Variants in RBM6 observed in about 807,000 individuals in gnomAD.
The protein encoded by RBM6 is RNA binding motif protein 6, also known as RNA-binding protein 6.
Under a neutral mutation model 140.4 loss-of-function variants are expected in RBM6, and 23 were observed. That is an observed-to-expected ratio of 0.16 (90% CI 0.12 to 0.23). The LOEUF is 0.23. RBM6 is among the 10% of genes least tolerant of loss of function. The pLI, the probability that RBM6 is intolerant of heterozygous loss-of-function variation, is 1.00. For missense variants in RBM6, 1,139 were observed against 1,386.7 expected, an observed-to-expected ratio of 0.82 and a Z score of 2.84; for synonymous variants, 439 against 475.6, an observed-to-expected ratio of 0.92 and a Z score of 1.00.
rs374968168 is a variant in RBM6, at chr3:50,066,274, G to A, written c.2715G>A (p.Leu905=). Residue 905 remains leucine, a synonymous_variant, in exon 17 of 21, where the codon TTG becomes TTA. Transcript: ENST00000266022. Reference sequence around the variant, plus strand: ...TGGTAAACCCACTGATCGGCCTCTTGGGTGAATATGGAGGAGACAGTGACT... The same window carrying A: ...TGGTAAACCCACTGATCGGCCTCTTAGGTGAATATGGAGGAGACAGTGACT... The part of the protein sequence containing the change: ...PKVVNPLIGL[L]GEYGGDSDYE... 6.2e-7 allele frequency: 1 copy of A among 1,614,060 alleles called. No homozygotes were observed. Among genetic ancestry groups the A allele is most frequent in the Middle Eastern group, 1.7e-4 (1 of 6,044 alleles).
chr3:49,955,844 G>GTT (rs2083958678), intron 1 of RBM6, among the ~76,000 whole-genome samples: 1 of 145,014 alleles, frequency 6.9e-6, no homozygotes, highest in African/African-American at 2.5e-5. Flanking sequence ...CTCTCTCTGT[G>GTT]TCTCTCTCTC....
chr3:50,032,899 C>T (rs1180210531), intron 6 of RBM6, among the ~76,000 whole-genome samples: 2 of 151,232 alleles, frequency 1.3e-5, no homozygotes, highest in East Asian at 2.0e-4. Context: ...GCAGGAGAAC[C>T]GCTTGAAACA....
At position 49,967,425 on chromosome 3, in the gene RBM6, C is replaced by G. The variant is rs371060195; in HGVS notation, c.45-45C>G. Reference sequence around the variant, plus strand: ...GAAGAATATGCTGGTGTGTAGATTTCAAACTCTCTGGACAATATGAATAAC... The same window carrying G: ...GAAGAATATGCTGGTGTGTAGATTTGAAACTCTCTGGACAATATGAATAAC... On this transcript the variant is annotated intron_variant, in intron 2 of 20. Coordinates refer to ENST00000266022, the MANE Select transcript of RBM6 (RefSeq NM_005777.3). The surrounding 1 kb of genome is among the most constrained non-coding windows in gnomAD (Gnocchi z 4.0). 6.4e-7 allele frequency: 1 copy of G among 1,568,968 alleles called. No homozygotes were observed.
chr3:49,989,803 G>C (rs1446448928), intron 5 of RBM6, among the ~76,000 whole-genome samples: 4 of 152,100 alleles, frequency 2.6e-5, no homozygotes, highest in Non-Finnish European at 5.9e-5. Flanking sequence ...GAGTGGTGCA[G>C]TGGCATCATC....
intron 1 of RBM6, among the ~76,000 whole-genome samples, chr3:49,941,496 C>G (rs1188405599): frequency 6.6e-6 from 1 of 151,628 alleles, no homozygotes; most frequent in Non-Finnish European, 1.5e-5. Context: ...CAAAATTAGC[C>G]GGGCATGGTG....
intron 1 of RBM6, among the ~76,000 whole-genome samples, chr3:49,959,909 A>G (rs922179168): frequency 6.6e-6 from 1 of 152,116 alleles, no homozygotes; most frequent in Admixed American, 6.6e-5. Flanking sequence ...CTTGGCATTC[A>G]TATGGCTTTC....
intron 6 of RBM6, among the ~76,000 whole-genome samples, chr3:50,037,308 GGAT>G (rs760940826): frequency 1.8e-4 from 28 of 152,064 alleles, no homozygotes; most frequent in Admixed American, 5.9e-4. Flanking sequence ...AGCTGAGGTG[GGAT>G]GATTGCTTGA....
chr3:49,971,804 T>TA (rs2084806673), intron 3 of RBM6, among the ~76,000 whole-genome samples: 1 of 152,216 alleles, frequency 6.6e-6, no homozygotes, highest in Admixed American at 6.5e-5. Flanking sequence ...ATTAAAGTCT[T>TA]ACTCAGTCTT....
chr3:49,973,584 CTTT>C (rs1226088993), intron 4 of RBM6, among the ~76,000 whole-genome samples: 2 of 131,338 alleles, frequency 1.5e-5, no homozygotes, highest in Admixed American at 7.7e-5. Context: ...TTCTGCTTTT[CTTT>C]TTTTTTTTTT....
chr3:50,000,474 G>T (rs570096277), intron 6 of RBM6, among the ~76,000 whole-genome samples: 1 of 145,854 alleles, frequency 6.9e-6, no homozygotes, highest in African/African-American at 2.5e-5. Context: ...AGGCTGGATT[G>T]CAATGGTGCG....
intron 5 of RBM6, among the ~76,000 whole-genome samples, chr3:49,991,892 C>G (rs2085842491): frequency 6.6e-6 from 1 of 152,058 alleles, no homozygotes; most frequent in Non-Finnish European, 1.5e-5. Context: ...AGCTTAGAAA[C>G]CAGCTTTATG....
At chr3:50,075,866 A>G (rs1309145268) in intron 20 of RBM6, among the ~76,000 whole-genome samples, 1 of 152,104 alleles carries the variant, frequency 6.6e-6, no homozygotes, top group Non-Finnish European at 1.5e-5. Context: ...TTTCTCTCCT[A>G]CCGAGTTTCT....
intron 6 of RBM6, among the ~76,000 whole-genome samples, chr3:50,033,799 G>T (rs1297366180): frequency 6.6e-6 from 1 of 152,014 alleles, no homozygotes; most frequent in Non-Finnish European, 1.5e-5. Context: ...ATACCACCAC[G>T]CCCAGCTAAT....
intron 5 of RBM6, among the ~76,000 whole-genome samples, chr3:49,998,244 A>G (rs1266102419): frequency 6.6e-6 from 1 of 152,130 alleles, no homozygotes; most frequent in East Asian, 1.9e-4. Flanking sequence ...TATACTTTCT[A>G]TTGTTCTAGT....
intron 8 of RBM6, 141 bp from the exon 9 acceptor site, chr3:50,057,587 C>CA (rs4030422): frequency 0.16 from 35,081 of 215,846 alleles, 867 homozygotes; most frequent in South Asian, 0.2. Context: ...AACTCCGTCT[C>CA]AAAAAAAAAA....
chr3:49,957,042 A>G (rs960724238), intron 1 of RBM6, among the ~76,000 whole-genome samples: 4 of 152,110 alleles, frequency 2.6e-5, no homozygotes, highest in African/African-American at 7.2e-5. Context: ...GAGAACAGTG[A>G]TGAGATCATA....
intron 15 of RBM6, among the ~76,000 whole-genome samples, chr3:50,063,189 G>A (rs1366626329): frequency 6.6e-6 from 1 of 152,048 alleles, no homozygotes; most frequent in Admixed American, 6.6e-5. Flanking sequence ...CACCTTGCTC[G>A]CCTCTTTCTA....
intron 8 of RBM6, among the ~76,000 whole-genome samples, chr3:50,054,674 C>T (rs901212207): frequency 1.4e-4 from 21 of 151,782 alleles, no homozygotes; most frequent in Non-Finnish European, 2.8e-4. Flanking sequence ...CCCTGTAGCC[C>T]GGCTAATTTT....
intron 5 of RBM6, among the ~76,000 whole-genome samples, chr3:49,993,127 T>C (rs2085902876): frequency 6.6e-6 from 1 of 152,190 alleles, no homozygotes; most frequent in Admixed American, 6.5e-5. Context: ...AAGACGTTGC[T>C]CTTCATTGTG....
Sources: gnomAD v4.1 joint callset for allele counts (sites outside exome capture counted in the v4.1 genomes callset) on GRCh38, gnomAD v4.1.1 for gene constraint, Gnocchi (gnomAD v3.1) non-coding constraint, MANE v1.5 for transcripts, NCBI Gene and HGNC (gene_info 2026-07-23, HGNC 2026-07-21) for gene names.